The following KAT5 variants were observed in gnomAD, a reference collection of about 807,000 sequenced individuals.
The protein encoded by KAT5 is histone acetyltransferase KAT5.
A neutral mutation model predicts 68.1 loss-of-function variants in KAT5; 31 were observed. The ratio of observed to expected loss-of-function variants is 0.46; its 90% confidence interval spans 0.34 to 0.61. KAT5 has a LOEUF of 0.61. KAT5 is among the 20% of genes least tolerant of loss of function. The probability of loss-of-function intolerance (pLI) is 0.01; values close to 1 mark genes in which losing one functional copy is unlikely to be tolerated. For synonymous variants in KAT5, 365 were observed against 292.6 expected, an observed-to-expected ratio of 1.25 and a Z score of -2.52; for missense variants, 451 against 725.5, an observed-to-expected ratio of 0.62 and a Z score of 4.35.
chr11:65,715,010 C>A, intron 8 of KAT5, 100 bp downstream of exon 8: 1 of 1,039,974 alleles, frequency 9.6e-7, no homozygotes, highest in Non-Finnish European at 1.5e-6. Context: ...ATCAGTCCAG[C>A]CCATTTTTAT....
intron 9 of KAT5, 26 bp from the exon 10 acceptor site, chr11:65,716,863 G>C (rs771445359): frequency 1.2e-6 from 2 of 1,613,534 alleles, no homozygotes; most frequent in Non-Finnish European, 1.7e-6. Context: ...TCCCTTCCCT[G>C]ACACTCACCT....
In KAT5 at chr11:65,712,435, A is replaced by G; in HGVS notation, c.168A>G (p.Glu56=). Residue 56 remains glutamate (E), a synonymous_variant, in exon 1 of 13, where the codon GAA becomes GAG. Coordinates refer to ENST00000341318, the MANE Select transcript of KAT5 (RefSeq NM_182710.3). ...TGCTGCGGCGGAACCAGGACAACGA[A>G]GATGAGTGGCGTGAGTGACGTTGGG... is the stretch of plus-strand genomic sequence containing the variant. ...LPVLRRNQDN[E]DEWPLAEILS... 6.3e-7 allele frequency: 1 copy of G among 1,593,348 alleles called. No individual in the cohort carries two copies. Among genetic ancestry groups the G allele is most frequent in the Non-Finnish European group, 8.5e-7 (1 of 1,173,648 alleles).
In KAT5 at chr11:65,713,835, T is replaced by A; in HGVS notation, c.677T>A (p.Leu226Ter). The stretch of plus-strand genomic sequence containing the variant: ...GGACGGAAGCGAAAATCGAATTGTT[T>A]GGGCACTGATGAGGTGGGTCTGGGG... ...QPGRKRKSNCLGTDEDSQDSS... is the reference protein window; with the variant it reads ...QPGRKRKSNC The change falls in exon 6 of 13, where the codon TTG becomes TAG. Residue 226 changes from leucine to a stop codon, truncating the protein, a stop_gained. Transcript: ENST00000341318. LOFTEE classifies it high-confidence loss of function. 1 of 1,582,724 alleles carries A rather than the reference T, an allele frequency of 6.3e-7. No homozygotes were observed. The highest frequency in any genetic ancestry group is 8.6e-7 in the Non-Finnish European group (1 of 1,164,004).
intron 8 of KAT5, 51 bp downstream of exon 8, chr11:65,714,961 C>T (rs769828602): frequency 3.6e-5 from 55 of 1,508,314 alleles, no homozygotes; most frequent in East Asian, 2.0e-4. Context: ...ATGACAGCTT[C>T]TTCTTGCTCA....
chr11:65,712,688 G>T, intron 1 of KAT5, 78 bp from the exon 2 acceptor site: 2 of 1,528,112 alleles, frequency 1.3e-6, no homozygotes, highest in South Asian at 2.3e-5. Flanking sequence ...TCCGGCCTGG[G>T]GGTGGAGTTC....
Position 65,713,435 on chromosome 11 carries a change from A to G in KAT5, c.472A>G (p.Ile158Val), listed in dbSNP as rs779004076. ...RFNLPKEREA[I>V]PGGEPDQPLS... Reference sequence around the variant, plus strand: ...CAACCTGCCCAAGGAGCGGGAGGCCATTCCCGGTGGCGAGCCTGACCAGCC... The same window carrying G: ...CAACCTGCCCAAGGAGCGGGAGGCCGTTCCCGGTGGCGAGCCTGACCAGCC... The change falls in exon 4 of 13, where the codon ATT becomes GTT. Residue 158 changes from isoleucine (I) to valine (V), a missense_variant. By Grantham distance (29) the Ile-to-Val change is conservative (BLOSUM62 3). This residue lies in a region of KAT5 where 135 missense variants were observed against 173.4 expected (regional missense o/e 0.78). Transcript: ENST00000341318. 1.9e-6 allele frequency: 3 copies of G among 1,613,676 alleles called. No homozygotes were observed. The highest frequency in any genetic ancestry group is 1.1e-5 in the South Asian group (1 of 91,062).
chr11:65,712,351 C>G lies in KAT5; in HGVS notation c.84C>G (p.Ala28=). ...EVGRARGPPV[A]DPGVALSPQG... is the part of the protein sequence containing the mutation. ...GTAGAGCCCGAGGCCCCCCAGTAGCCGACCCTGGCGTCGCGCTGTCTCCCC... is the reference window on the plus strand; with the variant it reads ...GTAGAGCCCGAGGCCCCCCAGTAGCGGACCCTGGCGTCGCGCTGTCTCCCC... Residue 28 remains alanine (A), a synonymous_variant, in exon 1 of 13, where the codon GCC becomes GCG. Coordinates refer to ENST00000341318, the MANE Select transcript of KAT5 (RefSeq NM_182710.3). 1 of 1,534,682 alleles carries G rather than the reference C, an allele frequency of 6.5e-7. No homozygotes were observed. Among genetic ancestry groups the G allele is most frequent in the Non-Finnish European group, 8.7e-7 (1 of 1,151,496 alleles).
chr11:65,713,724 T>C (rs1857104900), intron 5 of KAT5, 50 bp from the exon 6 acceptor site: 1 of 1,613,964 alleles, frequency 6.2e-7, no homozygotes, highest in Non-Finnish European at 8.5e-7. Flanking sequence ...CTGGTGGCTT[T>C]TTTCAGGCTC....
rs376433951 is a variant in KAT5 at position 65,713,768 on chromosome 11, C to T, written c.616-6C>T. 1.3e-4 allele frequency: 210 copies of T among 1,613,044 alleles called. No individual in the cohort carries two copies. The East Asian group carries it at 3.3e-3, about 26-fold the overall frequency. ...GCCATCCCTTCTTTTCCTACTATCT[C>T]GGCAGAATGGAGCCGCCCGTAGGGC... On this transcript the variant is annotated splice_polypyrimidine_tract_variant and splice_region_variant and intron_variant, in intron 5 of 12. Coordinates refer to ENST00000341318, the MANE Select transcript of KAT5 (RefSeq NM_182710.3).
chr11:65,718,666 T>C lies in KAT5; in HGVS notation c.1341T>C (p.Tyr447=), dbSNP rs773497425. Residue 447 remains tyrosine (Y), a synonymous_variant, in exon 11 of 13, where the codon TAT becomes TAC. Transcript: ENST00000341318. ...TCTCAGACCTTGGCCTCCTATCCTA[T>C]CGAAGCTACTGGTCCCAGACCATCC... ...KPLSDLGLLS[Y]RSYWSQTILE... 1 of 1,614,136 alleles carries C rather than the reference T, an allele frequency of 6.2e-7. No homozygotes were observed. Among genetic ancestry groups the C allele is most frequent in the Non-Finnish European group, 8.5e-7 (1 of 1,180,024 alleles).
intron 11 of KAT5, 54 bp downstream of exon 11, chr11:65,718,803 G>T: frequency 1.2e-6 from 2 of 1,613,790 alleles, no homozygotes; most frequent in Non-Finnish European, 1.7e-6. Context: ...TCTGTTCCTG[G>T]GCTTTCTCTC....
intron 5 of KAT5, 37 bp downstream of exon 5, chr11:65,713,704 C>T (rs770198171): frequency 6.8e-6 from 11 of 1,613,606 alleles, no homozygotes; most frequent in South Asian, 2.2e-5. Context: ...CTCTTCCTCT[C>T]TTCTACTCTC....
chr11:65,719,360 C>G lies in KAT5; in HGVS notation c.*179C>G. The G allele has an allele frequency of 1.4e-6, 1 of 737,646 alleles. No homozygotes were observed. Among genetic ancestry groups the G allele is most frequent in the South Asian group, 1.9e-5 (1 of 53,354 alleles). 45.7% of individuals were successfully genotyped at this position (737,646 alleles called of 1,614,324 possible). A position where few individuals can be genotyped will look rare whatever the true frequency, so the allele number is the denominator to read the frequency against. On this transcript the variant is annotated 3_prime_UTR_variant, in exon 13 of 13. Transcript: ENST00000341318. ...GCCCAGCACCAAGGCGAGCTCCGGG[C>G]TCAGACCAACTCCAAGGTCAGCTGG...
chr11:65,712,315 A>C lies in KAT5; in HGVS notation c.48A>C (p.Pro16=). 6.7e-7 allele frequency: 1 copy of C among 1,484,154 alleles called. No individual in the cohort carries two copies. Among genetic ancestry groups the C allele is most frequent in the South Asian group, 1.4e-5 (1 of 72,794 alleles). 91.9% of individuals were successfully genotyped at this position (1,484,154 alleles called of 1,614,324 possible). A position where few individuals can be genotyped will look rare whatever the true frequency, so the allele number is the denominator to read the frequency against. ...SPVPGAGRRE[P]GEVGRARGPP... is the part of the protein sequence containing the mutation. ...TGCCCGGGGCGGGGCGGAGGGAGCC[A>C]GGGGAGGTGGGTAGAGCCCGAGGCC... Residue 16 remains proline (P), a synonymous_variant, in exon 1 of 13, where the codon CCA becomes CCC. Transcript: ENST00000341318.
chr11:65,714,336 CT>C, intron 6 of KAT5, 158 bp from the exon 7 acceptor site: 1 of 786,420 alleles, frequency 1.3e-6, no homozygotes, highest in Non-Finnish European at 2.0e-6. Flanking sequence ...ATCATCGATC[CT>C]TTAGGGTTTC....
intron 6 of KAT5, 67 bp downstream of exon 6, chr11:65,713,915 A>AT (rs1271688067): frequency 2.3e-5 from 32 of 1,375,644 alleles, no homozygotes; most frequent in Non-Finnish European, 3.2e-5. Flanking sequence ...GTGGAGAGTT[A>AT]TTTAGTGATG....
At chr11:65,716,148 A>T (rs1857187079) in intron 8 of KAT5, 1 of 154,000 alleles carries the variant, frequency 6.5e-6, no homozygotes, top group African/African-American at 2.4e-5. Context: ...TAAATTCCAG[A>T]ATTCCTTAAC....
intron 10 of KAT5, 35 bp downstream of exon 10, chr11:65,717,017 C>A: frequency 1.3e-6 from 2 of 1,501,400 alleles, no homozygotes; most frequent in Non-Finnish European, 1.9e-6. Flanking sequence ...GGGTAGTGGA[C>A]CCACTATCGG....
chr11:65,712,657 C>G (rs954377170), intron 1 of KAT5, 109 bp from the exon 2 acceptor site: 4 of 1,384,720 alleles, frequency 2.9e-6, no homozygotes, highest in African/African-American at 2.8e-5. Flanking sequence ...TAGGAGAGAC[C>G]TAAGTGCTGG....
Sources: allele counts gnomAD v4.1 joint callset, GRCh38; gene constraint gnomAD v4.1.1; regional missense constraint gnomAD v4.1.1; transcripts MANE v1.5; gene names NCBI Gene and HGNC (gene_info 2026-07-23, HGNC 2026-07-21).